The following ARHGEF38 variants were observed in gnomAD, a reference collection of about 807,000 sequenced individuals.
ARHGEF38 encodes Rho guanine nucleotide exchange factor 38.
A neutral mutation model predicts 79.9 loss-of-function variants in ARHGEF38; 79 were observed. The ratio of observed to expected loss-of-function variants is 0.99; its 90% confidence interval spans 0.82 to 1.19. The LOEUF (loss-of-function observed/expected upper bound fraction) is 1.19. ARHGEF38 is among the 50% of genes most tolerant of loss of function. The probability of loss-of-function intolerance (pLI) is 0.00; values close to 1 mark genes in which losing one functional copy is unlikely to be tolerated. For synonymous variants in ARHGEF38, 366 were observed against 328.3 expected, an observed-to-expected ratio of 1.11 and a Z score of -1.24; for missense variants, 962 against 907.2, an observed-to-expected ratio of 1.06 and a Z score of -0.78.
In ARHGEF38 at chr4:105,677,820, A is replaced by G. The variant is rs1457167883; in HGVS notation, c.2217A>G (p.Arg739=). The part of the protein sequence containing the change: ...DHELSLQEYQ[R]VHILRFCDLS... ...AACTCAGCCTTCAGGAATACCAGAGAGTTCATATACTCAGGTTTTGTGACC... is the reference window on the plus strand; with the variant it reads ...AACTCAGCCTTCAGGAATACCAGAGGGTTCATATACTCAGGTTTTGTGACC... Residue 739 remains arginine (R), a synonymous_variant, in exon 14 of 14, where the codon AGA becomes AGG. Coordinates refer to ENST00000420470, the MANE Select transcript of ARHGEF38 (RefSeq NM_001242729.2). 1 of 1,534,614 alleles carries G rather than the reference A, an allele frequency of 6.5e-7. No individual in the cohort carries two copies. The highest frequency in any genetic ancestry group is 8.7e-7 in the Non-Finnish European group (1 of 1,145,744).
At chr4:105,606,656 A>C (rs1046504541) in intron 2 of ARHGEF38, among the ~76,000 whole-genome samples, 1 of 152,126 alleles carries the variant, frequency 6.6e-6, no homozygotes, top group Admixed American at 6.6e-5. Flanking sequence ...AAAATTTATG[A>C]ATGGTTAAGT....
intron 1 of ARHGEF38, among the ~76,000 whole-genome samples, chr4:105,567,491 C>T (rs187639205): frequency 1.3e-5 from 2 of 152,240 alleles, no homozygotes; most frequent in East Asian, 1.9e-4. Context: ...CAAAGAAGTA[C>T]AACTGACATA....
At chr4:105,584,303 C>G (rs1041749151) in intron 1 of ARHGEF38, among the ~76,000 whole-genome samples, 4 of 152,142 alleles carry the variant, frequency 2.6e-5, no homozygotes, top group Admixed American at 6.5e-5. Context: ...CACTAGAATA[C>G]AACCAATAAT....
intron 2 of ARHGEF38, among the ~76,000 whole-genome samples, chr4:105,602,132 T>C (rs72669979): frequency 0.12 from 17,925 of 152,148 alleles, 1,122 homozygotes; most frequent in Middle Eastern, 0.2. Flanking sequence ...ATTGGTTAGG[T>C]GGAGGCAGGG....
intron 13 of ARHGEF38, among the ~76,000 whole-genome samples, chr4:105,675,703 T>C (rs980990248): frequency 6.6e-6 from 1 of 152,192 alleles, no homozygotes; most frequent in African/African-American, 2.4e-5. Flanking sequence ...AACAGAAATT[T>C]ATTTCTCACA....
At chr4:105,622,750 C>T (rs1036559765) in intron 3 of ARHGEF38, among the ~76,000 whole-genome samples, 2 of 152,162 alleles carry the variant, frequency 1.3e-5, no homozygotes, top group African/African-American at 4.8e-5. Context: ...GGCATCACTT[C>T]CTAAAGACAA....
At position 105,667,235 on chromosome 4, in the gene ARHGEF38, A is replaced by G; in HGVS notation, c.1796A>G (p.Tyr599Cys). 6.5e-7 allele frequency: 1 copy of G among 1,536,194 alleles called. No individual in the cohort carries two copies. Among genetic ancestry groups the G allele is most frequent in the Admixed American group, 2.0e-5 (1 of 51,008 alleles). Residue 599 changes from tyrosine to cysteine, a missense_variant, in exon 12 of 14, where the codon TAT becomes TGT. Transcript: ENST00000420470. ...CGCAAGTGCAATGCTACACAAGAAT[A>G]TGACATCAATCTTCTGGAAGGAGAC... ...AKRKCNATQE[Y>C]DINLLEGDLV...
intron 1 of ARHGEF38, among the ~76,000 whole-genome samples, chr4:105,581,046 C>CTCTCATA (rs1226474140): frequency 1.1e-4 from 16 of 152,040 alleles, no homozygotes; most frequent in Non-Finnish European, 1.8e-4. Flanking sequence ...AAGGAAGAAG[C>CTCTCATA]ATTATTTGAA....
At chr4:105,571,011 G>T (rs1370730088) in intron 1 of ARHGEF38, among the ~76,000 whole-genome samples, 2 of 152,160 alleles carry the variant, frequency 1.3e-5, no homozygotes, top group African/African-American at 2.4e-5. Flanking sequence ...GTTGCCAGGG[G>T]CTGGAGGGAG....
intron 7 of ARHGEF38, among the ~76,000 whole-genome samples, chr4:105,653,447 T>C (rs560047037): frequency 5.3e-5 from 8 of 152,014 alleles, no homozygotes; most frequent in South Asian, 2.1e-4. Flanking sequence ...CTCAGCCTCC[T>C]GAGTATCTGG....
At chr4:105,584,765 A>T (rs1726953679) in intron 1 of ARHGEF38, among the ~76,000 whole-genome samples, 1 of 152,184 alleles carries the variant, frequency 6.6e-6, no homozygotes, top group African/African-American at 2.4e-5. Context: ...CTCTCCTTAA[A>T]TCCACCCCAA....
intron 1 of ARHGEF38, among the ~76,000 whole-genome samples, chr4:105,565,142 A>T (rs1281693250): frequency 6.6e-6 from 1 of 152,216 alleles, no homozygotes; most frequent in Non-Finnish European, 1.5e-5. Context: ...TTCTATGCCA[A>T]TTAGCAGTCA....
chr4:105,670,226 G>C (rs559771040), intron 13 of ARHGEF38, among the ~76,000 whole-genome samples: 2 of 152,124 alleles, frequency 1.3e-5, no homozygotes, highest in African/African-American at 4.8e-5. Context: ...CAAAGTGGGC[G>C]CACCATTTTA....
At chr4:105,609,774 G>T (rs969043211) in intron 2 of ARHGEF38, among the ~76,000 whole-genome samples, 1 of 152,032 alleles carries the variant, frequency 6.6e-6, no homozygotes, top group Non-Finnish European at 1.5e-5. Context: ...CTTTTGTAAA[G>T]CAATAAATTA....
At chr4:105,555,388 C>T (rs189235894) in intron 1 of ARHGEF38, among the ~76,000 whole-genome samples, 2 of 152,204 alleles carry the variant, frequency 1.3e-5, no homozygotes, top group East Asian at 1.9e-4. Context: ...ACAGGGAAGG[C>T]GACAAGGGAA....
At chr4:105,556,406 T>A (rs1725252316) in intron 1 of ARHGEF38, among the ~76,000 whole-genome samples, 1 of 151,938 alleles carries the variant, frequency 6.6e-6, no homozygotes, top group Admixed American at 6.6e-5. Flanking sequence ...ATGATAGAAG[T>A]GGAGGTAGGA....
Position 105,561,464 on chromosome 4 carries a change from A to AGAATGGAATG in ARHGEF38, c.196+8507_196+8508insGGAATGGAAT, listed in dbSNP as rs1560684539. 422 of 44,586 alleles carry AGAATGGAATG rather than the reference A, an allele frequency of 9.5e-3. 63 individuals are homozygous for AGAATGGAATG. The highest frequency in any genetic ancestry group is 0.023 in the South Asian group (29 of 1,262). 2.8% of individuals were successfully genotyped at this position (44,586 alleles called of 1,614,324 possible). On this transcript the variant is annotated intron_variant, in intron 1 of 13. Coordinates refer to ENST00000420470, the MANE Select transcript of ARHGEF38 (RefSeq NM_001242729.2). ...AGAATAGAATGGAATAGAATAGAAT[A>AGAATGGAATG]GAATAGAATAGAATAGAATAGAATA...
At chr4:105,573,647 G>A (rs1025233431) in intron 1 of ARHGEF38, among the ~76,000 whole-genome samples, 3 of 151,932 alleles carry the variant, frequency 2.0e-5, no homozygotes, top group Non-Finnish European at 2.9e-5. Flanking sequence ...TTGAAATCAC[G>A]AAGCATGAGT....
intron 3 of ARHGEF38, among the ~76,000 whole-genome samples, chr4:105,623,768 A>G (rs898661235): frequency 3.3e-5 from 5 of 152,218 alleles, no homozygotes; most frequent in African/African-American, 7.2e-5. Context: ...TTATATTAGT[A>G]ACTCTGGACA....
Sources: gnomAD v4.1 joint callset for allele counts (sites outside exome capture counted in the v4.1 genomes callset) on GRCh38, gnomAD v4.1.1 for gene constraint, MANE v1.5 for transcripts, NCBI Gene and HGNC (gene_info 2026-07-23, HGNC 2026-07-21) for gene names.